The following ACTN2 variants were observed in gnomAD, a reference collection of about 807,000 sequenced individuals.
ACTN2 encodes the protein actinin alpha 2.
ACTN2 carries 39 observed loss-of-function variants against 113.8 expected under a neutral mutation model. The observed-to-expected ratio is 0.34, with a 90% confidence interval of 0.27 to 0.45. ACTN2 has a LOEUF of 0.45. Ranked by LOEUF, ACTN2 falls within the 20% of genes least tolerant of loss-of-function variation. The probability of loss-of-function intolerance (pLI) is 1.00; values close to 1 mark genes in which losing one functional copy is unlikely to be tolerated. For missense variants in ACTN2, 992 were observed against 1,177.9 expected (o/e 0.84, Z 2.31); for synonymous variants, 429 against 444.1 (o/e 0.97, Z 0.43).
chr1:236,753,137 C>G (rs1295801074), intron 15 of ACTN2, among the ~76,000 whole-genome samples: 1 of 152,154 alleles, frequency 6.6e-6, no homozygotes, highest in African/African-American at 2.4e-5. Flanking sequence ...ACTCATGAAC[C>G]CAGCATGGGC....
At chr1:236,719,605 G>A (rs926408384) in intron 3 of ACTN2, among the ~76,000 whole-genome samples, 1 of 152,106 alleles carries the variant, frequency 6.6e-6, no homozygotes, top group Admixed American at 6.5e-5. Context: ...CCTGGCCAAC[G>A]TGGTGAAACC....
chr1:236,743,010 C>G lies in ACTN2; in HGVS notation c.1222C>G (p.Gln408Glu), dbSNP rs1240724639. 1 of 1,614,156 alleles carries G rather than the reference C, an allele frequency of 6.2e-7. No individual in the cohort carries two copies. The highest frequency in any genetic ancestry group is 1.1e-5 in the South Asian group (1 of 91,088). Reference protein sequence around the residue: ...RLEHLAEKFRQKASTHETWAY... With the variant: ...RLEHLAEKFREKASTHETWAY... ...GGAACACCTGGCTGAGAAGTTCAGG[C>G]AGAAGGCCTCAACGCACGAGACTTG... The change falls in exon 11 of 21, where the codon CAG (glutamine) becomes GAG (glutamate). Residue 408 changes from glutamine (Q) to glutamate (E), a missense_variant. By Grantham distance (29) the Gln-to-Glu change is conservative. Around this residue, in one of 3 missense-constraint regions of ACTN2, gnomAD observed 736 missense variants for 815.4 expected, o/e 0.90. Coordinates refer to ENST00000366578, the MANE Select transcript of ACTN2 (RefSeq NM_001103.4).
chr1:236,697,379 GA>G (rs1657539018), intron 1 of ACTN2, among the ~76,000 whole-genome samples: 1 of 152,168 alleles, frequency 6.6e-6, no homozygotes, highest in Non-Finnish European at 1.5e-5. Flanking sequence ...GGATAAAAGA[GA>G]AAAGTCAAGG....
chr1:236,717,729 C>T, intron 1 of ACTN2, 129 bp from the exon 2 acceptor site: 1 of 709,658 alleles, frequency 1.4e-6, no homozygotes, highest in Non-Finnish European at 2.6e-6. Context: ...AATTCTGCAT[C>T]CTCTAGAAGC....
At chr1:236,753,543 T>C (rs561664643) in intron 15 of ACTN2, among the ~76,000 whole-genome samples, 3 of 152,248 alleles carry the variant, frequency 2.0e-5, no homozygotes, top group East Asian at 1.9e-4. Context: ...TAATCCGAGA[T>C]GGTGAAAATA....
intron 1 of ACTN2, among the ~76,000 whole-genome samples, chr1:236,697,333 A>T (rs980920024): frequency 1.3e-5 from 2 of 152,188 alleles, no homozygotes; most frequent in Non-Finnish European, 2.9e-5. Context: ...CTCAAAAAAA[A>T]TATGGGGAAT....
intron 1 of ACTN2, among the ~76,000 whole-genome samples, chr1:236,707,717 T>C (rs1477498915): frequency 4.4e-5 from 6 of 134,948 alleles, no homozygotes; most frequent in Non-Finnish European, 6.3e-5. Flanking sequence ...TTCTTTTTTT[T>C]TTTTTTTTTT....
intron 7 of ACTN2, 30 bp from the exon 8 acceptor site, chr1:236,735,605 C>T (rs774540882): frequency 1.0e-5 from 16 of 1,566,964 alleles, no homozygotes; most frequent in Middle Eastern, 1.7e-4. Flanking sequence ...TGTGTGTGCG[C>T]GCGTCCTGTG....
chr1:236,716,944 C>G (rs574624384), intron 1 of ACTN2, among the ~76,000 whole-genome samples: 5 of 150,840 alleles, frequency 3.3e-5, no homozygotes, highest in South Asian at 2.1e-4. Context: ...AAGCTACTTC[C>G]CTGCCTGAGC....
At chr1:236,715,713 T>C (rs1469481145) in intron 1 of ACTN2, among the ~76,000 whole-genome samples, 1 of 152,182 alleles carries the variant, frequency 6.6e-6, no homozygotes, top group Non-Finnish European at 1.5e-5. Flanking sequence ...CCCAGCACTT[T>C]GAGAGGCCGA....
chr1:236,712,512 C>G (rs1338301491), intron 1 of ACTN2, among the ~76,000 whole-genome samples: 1 of 152,088 alleles, frequency 6.6e-6, no homozygotes, highest in African/African-American at 2.4e-5. Flanking sequence ...TGGTAAATTA[C>G]CTTCATTGTA....
At chr1:236,744,891 C>T (rs1558244068) in intron 12 of ACTN2, 115 bp downstream of exon 12, 6 of 1,353,792 alleles carry the variant, frequency 4.4e-6, no homozygotes, top group Non-Finnish European at 5.1e-6. Flanking sequence ...GCTGGAGGCA[C>T]TCTGTGCAGG....
chr1:236,718,669 G>T lies in ACTN2; in HGVS notation c.242-225G>T, dbSNP rs1310232911. Among the ~76,000 whole-genome samples the T allele has an allele frequency of 1.1e-4, 17 of 152,184 alleles. No homozygotes were observed. In the East Asian group the frequency reaches 3.3e-3, roughly 29 times the overall value. On this transcript the variant is annotated intron_variant, in intron 2 of 20. Transcript: ENST00000366578. ...CAGACTCTCCCTGCAGATCTGAAAA[G>T]CATGTGTCCTTCATAGTATGGCTCC...
chr1:236,744,405 A>G (rs1287725406), intron 11 of ACTN2, among the ~76,000 whole-genome samples: 1 of 152,066 alleles, frequency 6.6e-6, no homozygotes, highest in African/African-American at 2.4e-5. Flanking sequence ...TTTCCCCTTT[A>G]TTTGGAGACA....
chr1:236,758,301 TAA>T (rs1305593147), intron 18 of ACTN2, among the ~76,000 whole-genome samples: 4,514 of 140,576 alleles, frequency 0.032, 230 homozygotes, highest in Middle Eastern at 0.11. Flanking sequence ...TTTTTTTTTT[TAA>T]TGAGACGGAG....
chr1:236,715,351 C>G (rs1311827819), intron 1 of ACTN2, among the ~76,000 whole-genome samples: 3 of 130,278 alleles, frequency 2.3e-5, no homozygotes, highest in South Asian at 2.5e-4. Flanking sequence ...CCAAAGAAAC[C>G]TATTACTCAT....
At chr1:236,758,558 G>T (rs893673205) in intron 18 of ACTN2, among the ~76,000 whole-genome samples, 1 of 150,842 alleles carries the variant, frequency 6.6e-6, no homozygotes, top group African/African-American at 2.5e-5. Flanking sequence ...CAAAGTGCTA[G>T]GATTACAAGT....
chr1:236,735,797 G>A, intron 8 of ACTN2, 77 bp downstream of exon 8: 1 of 1,221,056 alleles, frequency 8.2e-7, no homozygotes, highest in East Asian at 2.4e-5. Context: ...TTGAGTGTGT[G>A]TTTGTGCGCT....
chr1:236,688,020 G>A (rs1665936761), intron 1 of ACTN2, among the ~76,000 whole-genome samples: 1 of 152,108 alleles, frequency 6.6e-6, no homozygotes, highest in African/African-American at 2.4e-5. Context: ...GAAAATGGGA[G>A]TAATAAATAG....
Sources: allele counts gnomAD v4.1 joint callset (sites outside exome capture counted in the v4.1 genomes callset), GRCh38; gene constraint gnomAD v4.1.1; regional missense constraint gnomAD v4.1.1; transcripts MANE v1.5; gene names NCBI Gene and HGNC (gene_info 2026-07-23, HGNC 2026-07-21).